Variants in AGBL1 observed in about 807,000 individuals in gnomAD.
AGBL1 encodes the protein AGBL carboxypeptidase 1, also known as cytosolic carboxypeptidase 4.
In AGBL1, 130 loss-of-function variants were observed where a neutral mutation model predicts 118.9. That is an observed-to-expected ratio of 1.09 (90% CI 0.95 to 1.26). AGBL1 has a LOEUF of 1.26. Among genes scored for constraint, AGBL1 ranks in the 50% most tolerant of loss-of-function variants. The pLI is 0.00. For synonymous variants in AGBL1, 555 were observed against 478.9 expected (o/e 1.16, Z -2.08); for missense variants, 1,584 against 1,298.1 (o/e 1.22, Z -3.38).
At chr15:86,224,658 G>C (rs2078331020) in intron 5 of AGBL1, among the ~76,000 whole-genome samples, 1 of 152,148 alleles carries the variant, frequency 6.6e-6, no homozygotes, top group East Asian at 1.9e-4. Context: ...GAAGGTGGGA[G>C]GCAAGCAGGG....
chr15:86,445,904 A>G (rs541622459), intron 18 of AGBL1, among the ~76,000 whole-genome samples: 17 of 152,348 alleles, frequency 1.1e-4, no homozygotes, highest in Non-Finnish European at 2.4e-4. Flanking sequence ...AGGCCCTGTT[A>G]GCAGGATTGG....
At chr15:86,084,833 T>TATCCATCCATCCATCCATCCATCCATCC (rs770780218) in intron 1 of AGBL1, among the ~76,000 whole-genome samples, 9 of 152,198 alleles carry the variant, frequency 5.9e-5, no homozygotes, top group Non-Finnish European at 1.3e-4. Context: ...CCCATTCATT[T>TATCCATCCATCCATCCATCCATCCATCC]ATCCATCCAT....
At chr15:86,471,028 C>T (rs2082472430) in intron 18 of AGBL1, among the ~76,000 whole-genome samples, 1 of 151,946 alleles carries the variant, frequency 6.6e-6, no homozygotes, top group African/African-American at 2.4e-5. Context: ...CTTTTCTTGC[C>T]AAATTGCCCT....
chr15:86,216,620 C>T (rs2078193757), intron 5 of AGBL1, among the ~76,000 whole-genome samples: 1 of 152,174 alleles, frequency 6.6e-6, no homozygotes, highest in South Asian at 2.1e-4. Context: ...ATCCCATTTA[C>T]TCCTGTGTGT....
At chr15:86,253,779 T>G (rs779712051) in intron 7 of AGBL1, among the ~76,000 whole-genome samples, 15 of 152,356 alleles carry the variant, frequency 9.8e-5, no homozygotes, top group Admixed American at 2.6e-4. Flanking sequence ...CCATCTTAAC[T>G]GTTTTTAAGT....
chr15:86,135,089 G>A (rs1400668691), intron 1 of AGBL1, among the ~76,000 whole-genome samples: 1 of 152,260 alleles, frequency 6.6e-6, no homozygotes, highest in African/African-American at 2.4e-5. Flanking sequence ...AGAGGTGTTT[G>A]GATCGTAGGG....
At chr15:87,030,261 G>T (rs903498250), downstream of AGBL1, among the ~76,000 whole-genome samples, 2 of 151,904 alleles carry the variant, frequency 1.3e-5, no homozygotes, top group Non-Finnish European at 2.9e-5. Flanking sequence ...TAAGAGAAGA[G>T]ATTAAAAATA....
intron 23 of AGBL1, among the ~76,000 whole-genome samples, chr15:86,925,210 AAAG>A (rs1411740825): frequency 4.0e-5 from 6 of 149,902 alleles, no homozygotes; most frequent in African/African-American, 9.8e-5. Context: ...AAGAAGAAGA[AAAG>A]AAGAAGAAAG....
At chr15:86,790,950 C>G (rs10520639) in intron 22 of AGBL1, among the ~76,000 whole-genome samples, 15,130 of 151,742 alleles carry the variant, frequency 0.1, 795 homozygotes, top group South Asian at 0.14. Context: ...ACAAAATAAC[C>G]AAAATAATCC....
chr15:86,455,703 A>G (rs1385025309), intron 18 of AGBL1, among the ~76,000 whole-genome samples: 1 of 152,144 alleles, frequency 6.6e-6, no homozygotes, highest in East Asian at 1.9e-4. Flanking sequence ...TGTAGTCTAT[A>G]AAAATCACTT....
At chr15:86,443,643 C>T (rs1338971589) in intron 18 of AGBL1, among the ~76,000 whole-genome samples, 1 of 152,146 alleles carries the variant, frequency 6.6e-6, no homozygotes, top group African/African-American at 2.4e-5. Context: ...TGCTATTCTA[C>T]TCTCTCTTTC....
chr15:86,245,431 T>G (rs1161704676), intron 6 of AGBL1, among the ~76,000 whole-genome samples: 1 of 152,166 alleles, frequency 6.6e-6, no homozygotes, highest in African/African-American at 2.4e-5. Context: ...GCTACAAAAT[T>G]TGGGCATTCT....
intron 6 of AGBL1, among the ~76,000 whole-genome samples, chr15:86,241,611 G>T (rs960183790): frequency 1.3e-5 from 2 of 152,248 alleles, no homozygotes; most frequent in African/African-American, 4.8e-5. Flanking sequence ...CATAGCAGAA[G>T]GTGAAAGGGC....
At chr15:86,483,934 G>T (rs1468227917) in intron 18 of AGBL1, among the ~76,000 whole-genome samples, 1 of 152,152 alleles carries the variant, frequency 6.6e-6, no homozygotes, top group Non-Finnish European at 1.5e-5. Flanking sequence ...GGAGCAGTCA[G>T]TATTCAGCTG....
At chr15:86,193,892 C>A (rs887484201) in intron 5 of AGBL1, among the ~76,000 whole-genome samples, 2 of 152,170 alleles carry the variant, frequency 1.3e-5, no homozygotes, top group African/African-American at 4.8e-5. Flanking sequence ...AATGACAGAG[C>A]CTCTCTGGCA....
chr15:86,625,646 C>T (rs925960396), intron 21 of AGBL1, among the ~76,000 whole-genome samples: 2 of 151,838 alleles, frequency 1.3e-5, no homozygotes, highest in African/African-American at 2.4e-5. Context: ...GGGATAGAAG[C>T]TAAGGGATAT....
rs1246844372 is a variant in AGBL1, at chr15:86,839,308, G to C, written c.3159-67779G>C. Among the ~76,000 whole-genome samples the C allele has an allele frequency of 2.0e-5, 3 of 152,280 alleles. No individual in the cohort carries two copies. In the East Asian group the frequency reaches 5.8e-4, roughly 29 times the overall value. Reference sequence around the variant, plus strand: ...GCTGATTTTCTACATACATTCTAGTGAAAAAGTCTTGCTTTAGTAATCGTC... The same window carrying C: ...GCTGATTTTCTACATACATTCTAGTCAAAAAGTCTTGCTTTAGTAATCGTC... On this transcript the variant is annotated intron_variant, in intron 22 of 22. Coordinates refer to ENST00000614907, the MANE Select transcript of AGBL1 (RefSeq NM_001386094.1).
In AGBL1 at chr15:86,221,623, C is replaced by T. The variant is rs143663032; in HGVS notation, c.489-3291C>T. 5.2e-3 allele frequency among the ~76,000 whole-genome samples: 799 copies of T among 152,248 alleles called. 5 individuals are homozygous for T. The highest frequency in any genetic ancestry group is 0.012 in the African/African-American group (499 of 41,544). ...CTTGGTGACATGCACATGAGCGACT[C>T]GATGTCTGGATCCTTGGCACTGCGT... On this transcript the variant is annotated intron_variant, in intron 5 of 22. Transcript: ENST00000614907.
intron 22 of AGBL1, among the ~76,000 whole-genome samples, chr15:86,852,022 A>G (rs990023967): frequency 1.3e-5 from 2 of 152,116 alleles, no homozygotes; most frequent in Admixed American, 6.5e-5. Context: ...ACTACTACAT[A>G]AACACTGTTG....
Sources: gnomAD v4.1 joint callset for allele counts (sites outside exome capture counted in the v4.1 genomes callset) on GRCh38, gnomAD v4.1.1 for gene constraint, MANE v1.5 for transcripts, NCBI Gene and HGNC (gene_info 2026-07-23, HGNC 2026-07-21) for gene names.